The following WDR72 variants were observed in gnomAD, a reference collection of about 807,000 sequenced individuals.
The protein encoded by WDR72 is WD repeat-containing protein 72.
In WDR72, 120 loss-of-function variants were observed where a neutral mutation model predicts 124.2. The observed-to-expected ratio is 0.97, with a 90% CI of 0.83 to 1.12. The LOEUF is 1.12. Among genes scored for constraint, WDR72 ranks in the 50% most tolerant of loss-of-function variants. WDR72 has a pLI of 0.00. For synonymous variants in WDR72, 452 were observed against 441.7 expected, an observed-to-expected ratio of 1.02 and a Z score of -0.29; for missense variants, 1,387 against 1,278.8, an observed-to-expected ratio of 1.08 and a Z score of -1.29.
At chr15:53,716,916 A>T (rs932209051) in intron 3 of WDR72, among the ~76,000 whole-genome samples, 3 of 152,200 alleles carry the variant, frequency 2.0e-5, no homozygotes, top group African/African-American at 7.2e-5. Context: ...CTTTAGAGAC[A>T]ACCTGGCCTA....
chr15:53,530,838 G>GA (rs1218337635), intron 18 of WDR72, among the ~76,000 whole-genome samples: 4 of 152,034 alleles, frequency 2.6e-5, no homozygotes, highest in Non-Finnish European at 5.9e-5. Flanking sequence ...ATCAGTAGGA[G>GA]AAAAAACTGT....
chr15:53,688,446 G>C (rs2016721727), intron 13 of WDR72, among the ~76,000 whole-genome samples: 1 of 151,248 alleles, frequency 6.6e-6, no homozygotes, highest in South Asian at 2.1e-4. Context: ...CAAATCATGA[G>C]TGAACTCCCA....
Position 53,596,995 on chromosome 15 carries a change from G to A in WDR72, c.3148+84C>T, listed in dbSNP as rs1229909570. On this transcript the variant is annotated intron_variant, in intron 18 of 19. Transcript: ENST00000360509. ...GTGCACCATGATATAATCGAAAATC[G>A]TTCAGTTGCACCACCATAAGTTGGA... The A allele has an allele frequency of 1.1e-5, 14 of 1,321,122 alleles. No individual in the cohort carries two copies. The Admixed American group carries it at 1.2e-4, about 11-fold the overall frequency. 81.8% of individuals were successfully genotyped at this position (1,321,122 alleles called of 1,614,324 possible).
chr15:53,614,482 A>G (rs1011588846), intron 15 of WDR72, among the ~76,000 whole-genome samples: 1 of 152,040 alleles, frequency 6.6e-6, no homozygotes, highest in Non-Finnish European at 1.5e-5. Context: ...TCATTCTATA[A>G]TTTGTTTCAA....
At chr15:53,744,631 T>C (rs2018597875) in intron 1 of WDR72, among the ~76,000 whole-genome samples, 1 of 152,206 alleles carries the variant, frequency 6.6e-6, no homozygotes, top group Non-Finnish European at 1.5e-5. Flanking sequence ...AACTGTACAT[T>C]ACAGCTGGAA....
intron 13 of WDR72, among the ~76,000 whole-genome samples, 153 bp from the exon 14 acceptor site, chr15:53,665,921 A>C (rs1567014118): frequency 6.6e-6 from 1 of 152,184 alleles, no homozygotes; most frequent in South Asian, 2.1e-4. Flanking sequence ...AGCTTTTCCT[A>C]AATTATTCAA....
At chr15:53,746,476 C>G (rs1030646348) in intron 1 of WDR72, among the ~76,000 whole-genome samples, 1 of 152,128 alleles carries the variant, frequency 6.6e-6, no homozygotes, top group Non-Finnish European at 1.5e-5. Context: ...AACATCCTAA[C>G]CAGAATAAAC....
chr15:53,572,686 G>A (rs1894586643), intron 18 of WDR72, among the ~76,000 whole-genome samples: 1 of 152,146 alleles, frequency 6.6e-6, no homozygotes, highest in African/African-American at 2.4e-5. Context: ...AAACAGACAG[G>A]AGCCAACTTG....
chr15:53,716,943 T>A (rs890722294), intron 3 of WDR72, among the ~76,000 whole-genome samples: 1 of 152,320 alleles, frequency 6.6e-6, no homozygotes, highest in Non-Finnish European at 1.5e-5. Flanking sequence ...ATTGTGGGGA[T>A]ACAGCTATCA....
intron 18 of WDR72, among the ~76,000 whole-genome samples, chr15:53,594,788 C>T (rs1288565621): frequency 1.3e-5 from 2 of 151,218 alleles, no homozygotes; most frequent in Non-Finnish European, 3.0e-5. Context: ...CCTGCACCCC[C>T]CACCCCCCCA....
intron 13 of WDR72, among the ~76,000 whole-genome samples, chr15:53,670,002 T>C (rs900457277): frequency 6.6e-6 from 1 of 152,156 alleles, no homozygotes; most frequent in Non-Finnish European, 1.5e-5. Flanking sequence ...AATCTGAACA[T>C]GACAAGGAAA....
chr15:53,712,455 G>A (rs1175370067), intron 7 of WDR72, among the ~76,000 whole-genome samples: 1 of 152,064 alleles, frequency 6.6e-6, no homozygotes, highest in Non-Finnish European at 1.5e-5. Context: ...ACTTAGCCGG[G>A]CATGGTGGCA....
chr15:53,561,381 T>A (rs867913249), intron 18 of WDR72, among the ~76,000 whole-genome samples: 1 of 151,732 alleles, frequency 6.6e-6, no homozygotes, highest in Non-Finnish European at 1.5e-5. Context: ...AATATATAAA[T>A]CAAAGTAATT....
At position 53,623,916 on chromosome 15, in the gene WDR72, T is replaced by C. The variant is rs114201408; in HGVS notation, c.1963-7673A>G. 9.4e-3 allele frequency among the ~76,000 whole-genome samples: 1,429 copies of C among 152,264 alleles called. 31 individuals are homozygous for C. The highest frequency in any genetic ancestry group is 0.033 in the African/African-American group (1,377 of 41,544). On this transcript the variant is annotated intron_variant, in intron 14 of 19. Coordinates refer to ENST00000360509, the MANE Select transcript of WDR72 (RefSeq NM_182758.4). Reference sequence around the variant, plus strand: ...GATGGTAACTCATTGTCGTTTAGAGTTGCATTTCTATGATAACTAGTGATG... The same window carrying C: ...GATGGTAACTCATTGTCGTTTAGAGCTGCATTTCTATGATAACTAGTGATG...
chr15:53,712,139 T>TG (rs2017556969), intron 7 of WDR72, among the ~76,000 whole-genome samples: 1 of 152,194 alleles, frequency 6.6e-6, no homozygotes, highest in Non-Finnish European at 1.5e-5. Flanking sequence ...AAACACCAAA[T>TG]TTTGAAAACA....
At chr15:53,698,817 T>TA (rs2017082502) in intron 13 of WDR72, among the ~76,000 whole-genome samples, 1 of 152,192 alleles carries the variant, frequency 6.6e-6, no homozygotes, top group African/African-American at 2.4e-5. Flanking sequence ...TGGTGAATAA[T>TA]ACTTCTCTGA....
intron 13 of WDR72, among the ~76,000 whole-genome samples, chr15:53,695,864 T>C (rs2016986814): frequency 6.6e-6 from 1 of 152,208 alleles, no homozygotes; most frequent in African/African-American, 2.4e-5. Flanking sequence ...AATAGGCTCT[T>C]ATAAAGTATT....
intron 19 of WDR72, among the ~76,000 whole-genome samples, chr15:53,519,593 A>G (rs147582244): frequency 2.6e-5 from 4 of 152,226 alleles, no homozygotes; most frequent in African/African-American, 9.6e-5. Context: ...AAGACAAGAC[A>G]CTACTCAGAG....
intron 18 of WDR72, among the ~76,000 whole-genome samples, chr15:53,568,072 G>GT (rs66751840): frequency 2.9e-4 from 40 of 138,102 alleles, no homozygotes; most frequent in South Asian, 7.0e-4. Context: ...TTTTTGTCTT[G>GT]TTTTTTTTTT....
Sources: allele counts gnomAD v4.1 joint callset (sites outside exome capture counted in the v4.1 genomes callset), GRCh38; gene constraint gnomAD v4.1.1; transcripts MANE v1.5; gene names NCBI Gene and HGNC (gene_info 2026-07-23, HGNC 2026-07-21).